HTR3B: variants seen among roughly 807,000 people sequenced by gnomAD.
HTR3B encodes 5-hydroxytryptamine receptor 3B.
Under a neutral mutation model 42.8 loss-of-function variants are expected in HTR3B, and 44 were observed. The ratio of observed to expected loss-of-function variants is 1.03; its 90% CI spans 0.81 to 1.32. HTR3B has a LOEUF of 1.32. Among genes scored for constraint, HTR3B ranks in the 40% most tolerant of loss-of-function variants. HTR3B has a pLI of 0.00. For synonymous variants in HTR3B, 203 were observed against 209.0 expected (o/e 0.97, Z 0.25); for missense variants, 527 against 536.5 (o/e 0.98, Z 0.17).
At position 113,904,798 on chromosome 11, in the gene HTR3B, C is replaced by A; in HGVS notation, c.-136C>A. On this transcript the variant is annotated 5_prime_UTR_variant, in exon 1 of 9. Coordinates refer to ENST00000260191, the MANE Select transcript of HTR3B (RefSeq NM_006028.5). ...GTCCCACTGAGTGTTTACAAAATAG[C>A]ACCAGTAAGGATAGCATCAACTGGC... 1 of 685,906 alleles carries A rather than the reference C, an allele frequency of 1.5e-6. No individual in the cohort carries two copies. Among genetic ancestry groups the A allele is most frequent in the Non-Finnish European group, 2.6e-6 (1 of 377,894 alleles). The allele number at this position is 685,906 out of a possible 1,614,324, so 42.5% of individuals were successfully genotyped here.
intron 2 of HTR3B, among the ~76,000 whole-genome samples, chr11:113,928,004 T>G (rs1279917760): frequency 6.6e-6 from 1 of 152,160 alleles, no homozygotes; most frequent in African/African-American, 2.4e-5. Flanking sequence ...TCAGCATGCA[T>G]TAGCTATTTT....
At chr11:113,933,241 C>T (rs561947112) in intron 6 of HTR3B, 148 bp downstream of exon 6, 1 of 726,482 alleles carries the variant, frequency 1.4e-6, no homozygotes, top group Non-Finnish European at 2.2e-6. Context: ...CATCCACCTG[C>T]ATTCCAGCAT....
intron 2 of HTR3B, among the ~76,000 whole-genome samples, chr11:113,915,533 CAGTAGT>C (rs931038583): frequency 1.3e-5 from 2 of 152,142 alleles, no homozygotes; most frequent in African/African-American, 4.8e-5. Context: ...TTGCATAACT[CAGTAGT>C]AGTATTTTAT....
At position 113,909,435 on chromosome 11, in the gene HTR3B, G is replaced by A. The variant is rs375138544; in HGVS notation, c.193G>A (p.Val65Ile). Reference sequence around the variant, plus strand: ...CACCACAGTCTACCTGGACCTGTTCGTCCATGCTATATTGGATGTGGTAAG... The same window carrying A: ...CACCACAGTCTACCTGGACCTGTTCATCCATGCTATATTGGATGTGGTAAG... ...KATTVYLDLFVHAILDVDAEN... is the reference protein window; with the variant it reads ...KATTVYLDLFIHAILDVDAEN... Residue 65 changes from valine (V) to isoleucine (I), a missense_variant, in exon 2 of 9, where the codon GTC becomes ATC. Coordinates refer to ENST00000260191, the MANE Select transcript of HTR3B (RefSeq NM_006028.5). 19 of 1,613,910 alleles carry A rather than the reference G, an allele frequency of 1.2e-5. No homozygotes were observed. In the East Asian group the frequency reaches 2.0e-4, roughly 17 times the overall value.
rs576034412 is a variant in HTR3B at position 113,927,316 on chromosome 11, G to T, written c.214-4068G>T. 1.5e-4 allele frequency among the ~76,000 whole-genome samples: 23 copies of T among 152,034 alleles called. No homozygotes were observed. The East Asian group carries it at 4.3e-3, about 28-fold the overall frequency. On this transcript the variant is annotated intron_variant, in intron 2 of 8. Coordinates refer to ENST00000260191, the MANE Select transcript of HTR3B (RefSeq NM_006028.5). ...CTACTGAGGTTAAACATTTTCATGTGATTACTGGCCATTCATATTTCTTTG... is the reference window on the plus strand; with the variant it reads ...CTACTGAGGTTAAACATTTTCATGTTATTACTGGCCATTCATATTTCTTTG...
At chr11:113,900,655 A>G (rs1591565707), upstream of HTR3B, among the ~76,000 whole-genome samples, 1 of 152,046 alleles carries the variant, frequency 6.6e-6, no homozygotes, top group Non-Finnish European at 1.5e-5. Context: ...CACCATGCCC[A>G]GCTAATTTTG....
chr11:113,928,283 CATT>C (rs1336668190), intron 2 of HTR3B, among the ~76,000 whole-genome samples: 2 of 152,114 alleles, frequency 1.3e-5, no homozygotes, highest in African/African-American at 4.8e-5. Context: ...TCCAGTGTAT[CATT>C]GTTGGGCATT....
At chr11:113,919,536 T>C (rs1949891379) in intron 2 of HTR3B, among the ~76,000 whole-genome samples, 4 of 152,140 alleles carry the variant, frequency 2.6e-5, no homozygotes, top group African/African-American at 9.6e-5. Flanking sequence ...AACTTAAGAG[T>C]ACAAGGTTTA....
intron 2 of HTR3B, among the ~76,000 whole-genome samples, chr11:113,930,102 T>C (rs1449700861): frequency 1.3e-5 from 2 of 152,328 alleles, no homozygotes; most frequent in African/African-American, 4.8e-5. Flanking sequence ...CTTTATGTCC[T>C]GGATACAAGC....
At chr11:113,919,047 T>G (rs1188225373) in intron 2 of HTR3B, among the ~76,000 whole-genome samples, 2 of 152,228 alleles carry the variant, frequency 1.3e-5, no homozygotes, top group Non-Finnish European at 2.9e-5. Context: ...TTTTGTTCTA[T>G]TCCTCATATC....
intron 2 of HTR3B, among the ~76,000 whole-genome samples, chr11:113,910,036 A>G (rs893511124): frequency 2.1e-4 from 31 of 151,136 alleles, no homozygotes; most frequent in African/African-American, 7.5e-4. Context: ...CACAGTACAT[A>G]TTGTATGAAT....
At chr11:113,912,464 C>T (rs186513113) in intron 2 of HTR3B, among the ~76,000 whole-genome samples, 37 of 152,166 alleles carry the variant, frequency 2.4e-4, no homozygotes, top group Admixed American at 2.1e-3. Context: ...AGGATGGTCT[C>T]GATCTCCTGA....
chr11:113,932,515 T>C, intron 5 of HTR3B, 57 bp downstream of exon 5: 2 of 1,307,320 alleles, frequency 1.5e-6, no homozygotes, highest in South Asian at 1.3e-5. Context: ...TGAAATGATA[T>C]TATACTATCC....
chr11:113,937,969 T>G (rs1460197934), intron 6 of HTR3B, among the ~76,000 whole-genome samples: 1 of 152,174 alleles, frequency 6.6e-6, no homozygotes, highest in Non-Finnish European at 1.5e-5. Flanking sequence ...GCTCCTTGCC[T>G]CTCCTCTGCC....
chr11:113,935,041 T>TGC (rs1950078317), intron 6 of HTR3B, among the ~76,000 whole-genome samples: 1 of 150,726 alleles, frequency 6.6e-6, no homozygotes, highest in Non-Finnish European at 1.5e-5. Context: ...GGCACACATG[T>TGC]GCACACACAC....
chr11:113,899,463 T>C, the HTR3B span, among the ~76,000 whole-genome samples: 1 of 152,160 alleles, frequency 6.6e-6, no homozygotes, highest in Non-Finnish European at 1.5e-5. Context: ...AAAATTTGGT[T>C]CCCCGAATAT....
intron 2 of HTR3B, among the ~76,000 whole-genome samples, chr11:113,914,928 A>C (rs1200797006): frequency 3.3e-5 from 5 of 152,204 alleles, no homozygotes; most frequent in Non-Finnish European, 7.3e-5. Flanking sequence ...CTTTATTTAC[A>C]CATATTCAGT....
chr11:113,903,809 A>G (rs1285070598), upstream of HTR3B, among the ~76,000 whole-genome samples: 1 of 152,172 alleles, frequency 6.6e-6, no homozygotes, highest in Non-Finnish European at 1.5e-5. Context: ...AGTCAACACC[A>G]AATGGTTATC....
rs1291604494 is a variant in HTR3B, at chr11:113,947,893, C to T, written c.*1756C>T. On this transcript the variant is annotated 3_prime_UTR_variant, in exon 9 of 9. Coordinates refer to ENST00000260191, the MANE Select transcript of HTR3B (RefSeq NM_006028.5). ...GCTGGAGACCTGCTGACAGTCTTAA[C>T]GCTGTCAGTAGAAGACACAAAAGTC... Among the ~76,000 whole-genome samples, 3 of 152,128 alleles carry T rather than the reference C, an allele frequency of 2.0e-5. No homozygotes were observed. Among genetic ancestry groups the T allele is most frequent in the Non-Finnish European group, 2.9e-5 (2 of 68,038 alleles).
Sources: gnomAD v4.1 joint callset for allele counts (sites outside exome capture counted in the v4.1 genomes callset) on GRCh38, gnomAD v4.1.1 for gene constraint, MANE v1.5 for transcripts, NCBI Gene and HGNC (gene_info 2026-07-23, HGNC 2026-07-21) for gene names.